The following GYG2 variants were observed in gnomAD, a reference collection of about 807,000 sequenced individuals.
GYG2 encodes glycogenin-2.
A neutral mutation model predicts 29.4 loss-of-function variants in GYG2; 29 were observed. The ratio of observed to expected loss-of-function variants is 0.99; its 90% CI spans 0.74 to 1.35. The LOEUF (loss-of-function observed/expected upper bound fraction) is 1.35, where lower values mean the gene tolerates loss of function less well. GYG2 is among the 40% of genes most tolerant of loss of function. GYG2 has a pLI of 0.00. For missense variants in GYG2, 370 were observed against 385.7 expected (o/e 0.96, Z 0.34); for synonymous variants, 167 against 172.3 (o/e 0.97, Z 0.24).
At chrX:2,829,009 T>A (rs1294691470) in intron 1 of GYG2, 34 bp downstream of exon 1, 2 of 85,693 alleles carry the variant, frequency 2.3e-5, no homozygotes, top group African/African-American at 8.9e-5. Context: ...CAGGGGACCG[T>A]GGGCAGTGGA....
At chrX:2,861,772 G>C (rs374891881) in intron 8 of GYG2, 50 bp downstream of exon 8, 1 of 979,072 alleles carries the variant, frequency 1.0e-6, no homozygotes, top group Admixed American at 2.6e-5. Flanking sequence ...CTGGCTCGCA[G>C]TGAGAGAGCA....
chrX:2,850,810 C>T (rs9320050), intron 3 of GYG2, among the ~76,000 whole-genome samples: 17,349 of 109,263 alleles, frequency 0.16, 1,081 homozygotes, highest in East Asian at 0.24. Flanking sequence ...TCTTATAAAA[C>T]GGCCCCACCC....
At position 2,875,795 on chromosome X, in the gene GYG2, C is replaced by T. The variant is rs755824446; in HGVS notation, c.1039-15C>T. On this transcript the variant is annotated splice_polypyrimidine_tract_variant and intron_variant, in intron 8 of 10. Transcript: ENST00000398806. ...AGGTTTGACTTAACTTGCCTTTGCTCTTTCTTTATAACAGATGATAGCTTG... is the reference window on the plus strand; with the variant it reads ...AGGTTTGACTTAACTTGCCTTTGCTTTTTCTTTATAACAGATGATAGCTTG... The T allele has an allele frequency of 2.7e-6, 3 of 1,099,342 alleles. No homozygotes were observed. The highest frequency in any genetic ancestry group is 4.4e-5 in the Admixed American group (2 of 45,195). 90.6% of individuals were successfully genotyped at this position (1,099,342 alleles called of 1,213,427 possible).
intron 8 of GYG2, among the ~76,000 whole-genome samples, chrX:2,874,383 T>C (rs755709680): frequency 5.3e-5 from 6 of 112,808 alleles, no homozygotes; most frequent in Non-Finnish European, 9.4e-5. Flanking sequence ...TTCTACATCA[T>C]TGGCTTCTAC....
At chrX:2,840,249 G>A (rs1375198338) in intron 2 of GYG2, among the ~76,000 whole-genome samples, 3 of 111,469 alleles carry the variant, frequency 2.7e-5, no homozygotes, top group African/African-American at 9.8e-5. Flanking sequence ...ACGGGGTAGG[G>A]GATTGGATCT....
At chrX:2,875,991 T>TGGTATGTAATGGGGATAG in intron 9 of GYG2, 77 bp downstream of exon 9, 1 of 498,192 alleles carries the variant, frequency 2.0e-6, no homozygotes, top group African/African-American at 2.4e-5. Context: ...CTATCCCCAT[T>TGGTATGTAATGGGGATAG]ACATACCAGT....
chrX:2,846,041 A>ATATATATATG, intron 3 of GYG2, among the ~76,000 whole-genome samples: 1 of 17,799 alleles, frequency 5.6e-5, no homozygotes, highest in African/African-American at 1.8e-4. Context: ...ATACACATAT[A>ATATATATATG]TATATATATA....
intron 3 of GYG2, among the ~76,000 whole-genome samples, chrX:2,846,036 C>CACACACATATATATACACATATAT (rs1199380183): frequency 1.5e-4 from 5 of 33,056 alleles, no homozygotes; most frequent in African/African-American, 5.5e-4. Context: ...TATATATACA[C>CACACACATATATATACACATATAT]ATATATATAT....
intron 8 of GYG2, among the ~76,000 whole-genome samples, chrX:2,869,371 C>G (rs1169973896): frequency 2.7e-5 from 3 of 110,718 alleles, no homozygotes; most frequent in Non-Finnish European, 5.7e-5. Context: ...GTCCTGGAAC[C>G]AATCCTCCAT....
At chrX:2,853,149 G>C (rs1332130876) in intron 3 of GYG2, 1 of 111,303 alleles carries the variant, frequency 9.0e-6, no homozygotes, top group African/African-American at 3.3e-5. Context: ...TGAGTAGCAG[G>C]AATTACAGGC....
chrX:2,839,705 G>T (rs1278293665), intron 2 of GYG2, among the ~76,000 whole-genome samples: 2 of 111,320 alleles, frequency 1.8e-5, no homozygotes, highest in Non-Finnish European at 3.8e-5. Flanking sequence ...GGTGGTGGAT[G>T]TGCAACATTG....
chrX:2,846,056 T>TACACACACACATATATATACACA (rs1491432509), intron 3 of GYG2, among the ~76,000 whole-genome samples: 2 of 9,744 alleles, frequency 2.1e-4, no homozygotes, highest in African/African-American at 7.1e-4. Flanking sequence ...TATATATATA[T>TACACACACACATATATATACACA]TTTTTTTTTT....
At chrX:2,858,358 C>T (rs1372688076) in intron 6 of GYG2, among the ~76,000 whole-genome samples, 1 of 111,206 alleles carries the variant, frequency 9.0e-6, no homozygotes, top group Non-Finnish European at 1.9e-5. Flanking sequence ...CTCAGCTACT[C>T]GGGAGGCTGC....
chrX:2,837,852 C>A (rs7060384), intron 2 of GYG2, among the ~76,000 whole-genome samples: 2,869 of 107,818 alleles, frequency 0.027, 112 homozygotes, highest in African/African-American at 0.091. Flanking sequence ...CACACACACA[C>A]ACACACACAC....
At chrX:2,845,574 CAT>C (rs1215614730) in intron 3 of GYG2, among the ~76,000 whole-genome samples, 1 of 98,279 alleles carries the variant, frequency 1.0e-5, no homozygotes, top group African/African-American at 3.8e-5. Context: ...TGTGTATACA[CAT>C]GTGTATATAT....
At chrX:2,846,290 C>T (rs1267157177) in intron 3 of GYG2, among the ~76,000 whole-genome samples, 6 of 105,623 alleles carry the variant, frequency 5.7e-5, no homozygotes, top group South Asian at 4.3e-4. Flanking sequence ...TGGTCTCGAA[C>T]GCCTGACCTC....
In GYG2 at chrX:2,854,054, C is replaced by A. The variant is rs2087925043; in HGVS notation, c.224C>A (p.Ala75Asp). 8.3e-7 allele frequency: 1 copy of A among 1,197,739 alleles called. No individual in the cohort carries two copies. Among genetic ancestry groups the A allele is most frequent in the Non-Finnish European group, 1.1e-6 (1 of 882,721 alleles). The change falls in exon 4 of 11, where the codon GCC becomes GAC. Residue 75 changes from alanine (A) to aspartate (D), a missense_variant. Coordinates refer to ENST00000398806, the MANE Select transcript of GYG2 (RefSeq NM_001079855.2). ...LIDSADYIHL[A>D]FLKRPELGLT... The stretch of plus-strand genomic sequence containing the variant: ...GATAGTGCCGACTACATCCACCTGG[C>A]CTTTCTGAAGAGACCTGAGCTCGGG...
Position 2,877,118 on chromosome X carries a change from T to G in GYG2, c.1144-82T>G. 3.5e-6 allele frequency: 4 copies of G among 1,147,798 alleles called. No homozygotes were observed. In the Admixed American group the frequency reaches 9.8e-5, roughly 28 times the overall value. The allele number at this position is 1,147,798 out of a possible 1,213,427, so 94.6% of individuals were successfully genotyped here. A position where few individuals can be genotyped will look rare whatever the true frequency, so the allele number is the denominator to read the frequency against. On this transcript the variant is annotated intron_variant, in intron 9 of 10. Transcript: ENST00000398806. The stretch of plus-strand genomic sequence containing the variant: ...AATTTGATTTTATTTTACCCCAGGA[T>G]AAAGAGTTCTCCATCATTTAGGTTA...
intron 6 of GYG2, among the ~76,000 whole-genome samples, chrX:2,856,961 GTTTATCTATCTA>G (rs1289193278): frequency 0.028 from 1,207 of 43,239 alleles, 24 homozygotes; most frequent in African/African-American, 0.075. Flanking sequence ...CTAGACATCT[GTTTATCTATCTA>G]TCTATCTATC....
Sources: gnomAD v4.1 joint callset for allele counts (sites outside exome capture counted in the v4.1 genomes callset) on GRCh38, gnomAD v4.1.1 for gene constraint, MANE v1.5 for transcripts, NCBI Gene and HGNC (gene_info 2026-07-23, HGNC 2026-07-21) for gene names.